The following ZNF483 variants were observed in gnomAD, a reference collection of about 807,000 sequenced individuals.
ZNF483 encodes the protein zinc finger protein 483, also known as zinc finger protein HIT-10.
A neutral mutation model predicts 28.6 loss-of-function variants in ZNF483; 9 were observed. That is an observed-to-expected ratio of 0.32 (90% CI 0.19 to 0.55). ZNF483 has a LOEUF of 0.55. Among genes scored for constraint, ZNF483 ranks in the 20% least tolerant of loss-of-function variants. ZNF483 has a pLI of 0.93. For missense variants in ZNF483, 675 were observed against 871.7 expected, an observed-to-expected ratio of 0.77 and a Z score of 2.84; for synonymous variants, 322 against 306.2, an observed-to-expected ratio of 1.05 and a Z score of -0.54.
intron 5 of ZNF483, chr9:111,569,820 G>A: frequency 2.2e-6 from 1 of 450,080 alleles, no homozygotes; most frequent in Non-Finnish European, 4.1e-6. Context: ...GACAGTGAGT[G>A]TAGACAGCAC....
chr9:111,576,548 G>A, exon 6 of ZNF483: 2 of 1,195,132 alleles, frequency 1.7e-6, no homozygotes, highest in Non-Finnish European at 2.3e-6. Flanking sequence ...GGGGGTATTA[G>A]CTAGTGGAGT....
chr9:111,562,907 T>C, intron 5 of ZNF483: 1 of 1,323,252 alleles, frequency 7.6e-7, no homozygotes, highest in Non-Finnish European at 9.8e-7. Context: ...GAAGAAGCTG[T>C]AGTGAACAGT....
intron 5 of ZNF483, chr9:111,563,317 G>T: frequency 1.5e-6 from 2 of 1,298,624 alleles, no homozygotes; most frequent in Non-Finnish European, 2.1e-6. Flanking sequence ...AATTTATCAG[G>T]TACATCATTG....
chr9:111,557,083 A>G (rs965588630), downstream of ZNF483, among the ~76,000 whole-genome samples: 8 of 152,138 alleles, frequency 5.3e-5, no homozygotes, highest in African/African-American at 1.7e-4. Flanking sequence ...CATTTTCCCC[A>G]TTGTCTTGGC....
chr9:111,541,088 CTT>C (rs747551274), intron 5 of ZNF483, among the ~76,000 whole-genome samples: 4,931 of 128,044 alleles, frequency 0.039, 129 homozygotes, highest in East Asian at 0.086. Context: ...AAGTTTGAAC[CTT>C]TTTTTTTTTT....
At chr9:111,529,656 A>G (rs1029846955) in intron 2 of ZNF483, among the ~76,000 whole-genome samples, 1 of 152,254 alleles carries the variant, frequency 6.6e-6, no homozygotes, top group Non-Finnish European at 1.5e-5. Flanking sequence ...TTCAAATTAA[A>G]TATTTTTAAA....
rs1165363801 is a variant in ZNF483, at chr9:111,570,593, AC to A, written c.722-5767del. 3.3e-5 allele frequency among the ~76,000 whole-genome samples: 5 copies of A among 150,958 alleles called. 1 individual carries two copies. Among genetic ancestry groups the A allele is most frequent in the Non-Finnish European group, 7.4e-5 (5 of 67,788 alleles). On this transcript the variant is annotated intron_variant, in intron 5 of 5. Coordinates refer to the ZNF483 transcript ENST00000358151. Reference sequence around the variant, plus strand: ...AGACCAGCCTGGCCAACATAGTGAAACCCCCGTCTCTTCTAAAAATTAAAAA... The same window carrying A: ...AGACCAGCCTGGCCAACATAGTGAAACCCCGTCTCTTCTAAAAATTAAAAA...
At chr9:111,576,675 A>G (rs764556599) in exon 6 of ZNF483, 24 of 389,814 alleles carry the variant, frequency 6.2e-5, no homozygotes, top group Admixed American at 1.7e-4. Flanking sequence ...GATATGTGCA[A>G]ACATGTACAT....
intron 5 of ZNF483, among the ~76,000 whole-genome samples, chr9:111,562,047 A>G (rs769054798): frequency 7.2e-5 from 11 of 151,912 alleles, no homozygotes; most frequent in Non-Finnish European, 1.2e-4. Context: ...TACCATGCCC[A>G]GCTAATTTTT....
intron 5 of ZNF483, chr9:111,570,140 C>T: frequency 6.2e-7 from 1 of 1,614,118 alleles, no homozygotes; most frequent in Non-Finnish European, 8.5e-7. Context: ...GCGGGCATCT[C>T]CTTGCCAGCG....
chr9:111,531,893 A>G (rs1264397803), intron 3 of ZNF483, among the ~76,000 whole-genome samples: 2 of 152,152 alleles, frequency 1.3e-5, no homozygotes, highest in African/African-American at 4.8e-5. Flanking sequence ...TGTGTTGCCC[A>G]GGCCAGTCTT....
chr9:111,545,576 C>T lies in ZNF483; in HGVS notation c.*2406C>T, dbSNP rs1035198503. On this transcript the variant is annotated 3_prime_UTR_variant, in exon 6 of 6. Coordinates refer to ENST00000309235, the MANE Select transcript of ZNF483 (RefSeq NM_133464.5). ...TTATTCCAGTTTACAGTTAATCTCC[C>T]GTCCAACCTCTAATCCCAGGCACCC... Among the ~76,000 whole-genome samples the T allele has an allele frequency of 2.0e-5, 3 of 152,114 alleles. No homozygotes were observed. Among genetic ancestry groups the T allele is most frequent in the Non-Finnish European group, 4.4e-5 (3 of 68,002 alleles).
intron 5 of ZNF483, among the ~76,000 whole-genome samples, chr9:111,573,471 A>G (rs1219102341): frequency 6.6e-6 from 1 of 152,100 alleles, no homozygotes; most frequent in Admixed American, 6.6e-5. Context: ...TTTCATTCCC[A>G]TTAGTCAAGC....
At chr9:111,532,111 G>A (rs78677154) in intron 3 of ZNF483, among the ~76,000 whole-genome samples, 2 of 152,204 alleles carry the variant, frequency 1.3e-5, no homozygotes, top group African/African-American at 4.8e-5. Flanking sequence ...GAGTTCGAGA[G>A]CAGTCTGGGC....
rs549447639 is a variant in ZNF483 at position 111,554,658 on chromosome 9, T to C, written c.*11488T>C. On this transcript the variant is annotated 3_prime_UTR_variant, in exon 6 of 6. Coordinates refer to ENST00000309235, the MANE Select transcript of ZNF483 (RefSeq NM_133464.5). ...ATATGCTGGACAAAGGGATAATTTG[T>C]GTCCTAGGAGGCACGGAGCAGGATG... Among the ~76,000 whole-genome samples, 1 of 152,326 alleles carries C rather than the reference T, an allele frequency of 6.6e-6. No individual in the cohort carries two copies. The highest frequency in any genetic ancestry group is 1.9e-4 in the East Asian group (1 of 5,192).
chr9:111,560,266 G>A (rs1482443167), downstream of ZNF483, among the ~76,000 whole-genome samples: 1 of 151,774 alleles, frequency 6.6e-6, no homozygotes, highest in Non-Finnish European at 1.5e-5. Context: ...GGATCACGAG[G>A]TCAGGAGATC....
At position 111,551,372 on chromosome 9, in the gene ZNF483, C is replaced by T. The variant is rs1028511898; in HGVS notation, c.*8202C>T. On this transcript the variant is annotated 3_prime_UTR_variant, in exon 6 of 6. Transcript: ENST00000309235. ...GTTGTTCTAAATATACTTAATTTTC[C>T]AATAACTGAATCAAGTATCCAGTTT... Among the ~76,000 whole-genome samples, 4 of 147,558 alleles carry T rather than the reference C, an allele frequency of 2.7e-5. No homozygotes were observed. Among genetic ancestry groups the T allele is most frequent in the Non-Finnish European group, 6.0e-5 (4 of 67,206 alleles).
rs1827211791 is a variant in ZNF483 at position 111,527,508 on chromosome 9, A to G, written c.113A>G (p.Glu38Gly). The G allele has an allele frequency of 1.2e-6, 2 of 1,614,204 alleles. No homozygotes were observed. Among genetic ancestry groups the G allele is most frequent in the Non-Finnish European group, 1.7e-6 (2 of 1,180,032 alleles). Reference sequence around the variant, plus strand: ...AGAGTGGTTACTTCTGGGGAACAAGAAGCTATTTTAAGAGGAAATGCTGCT... The same window carrying G: ...AGAGTGGTTACTTCTGGGGAACAAGGAGCTATTTTAAGAGGAAATGCTGCT... ...VPRVVTSGEQ[E>G]AILRGNAADA... The change falls in exon 2 of 6, where the codon GAA becomes GGA. Residue 38 changes from glutamate to glycine, a missense_variant. Transcript: ENST00000309235.
At chr9:111,540,121 G>C (rs1436912406) in intron 5 of ZNF483, among the ~76,000 whole-genome samples, 1 of 151,992 alleles carries the variant, frequency 6.6e-6, no homozygotes, top group Non-Finnish European at 1.5e-5. Context: ...AACAGAGTAA[G>C]ACCCTATCTC....
Sources: allele counts gnomAD v4.1 joint callset (sites outside exome capture counted in the v4.1 genomes callset), GRCh38; gene constraint gnomAD v4.1.1; transcripts MANE v1.5; gene names NCBI Gene and HGNC (gene_info 2026-07-23, HGNC 2026-07-21).